The following HIBCH variants were observed in gnomAD, a reference collection of about 807,000 sequenced individuals.
HIBCH encodes the protein 3-hydroxyisobutyryl-CoA hydrolase.
HIBCH carries 50 observed loss-of-function variants against 58.2 expected under a neutral mutation model. The observed-to-expected ratio is 0.86, with a 90% CI of 0.68 to 1.09. The LOEUF is 1.09. Ranked by LOEUF, HIBCH falls within the 50% of genes least tolerant of loss-of-function variation. The pLI, the probability that HIBCH is intolerant of heterozygous loss-of-function variation, is 0.00. For missense variants in HIBCH, 450 were observed against 449.7 expected (o/e 1.00, Z -0.01); for synonymous variants, 151 against 146.9 (o/e 1.03, Z -0.20).
intron 6 of HIBCH, among the ~76,000 whole-genome samples, chr2:190,283,183 T>C (rs1323309060): frequency 6.6e-6 from 1 of 152,222 alleles, no homozygotes; most frequent in Non-Finnish European, 1.5e-5. Context: ...AGAGTCAATG[T>C]CAGTATGTTC....
intron 1 of HIBCH, among the ~76,000 whole-genome samples, chr2:190,196,137 C>T (rs1383342873): frequency 2.0e-5 from 3 of 151,974 alleles, no homozygotes; most frequent in African/African-American, 7.2e-5. Context: ...CTAATTGTCC[C>T]TCCCCAACCC....
Position 190,279,242 on chromosome 2 carries a change from C to G in HIBCH, c.438+8344G>C, listed in dbSNP as rs1350990413. Among the ~76,000 whole-genome samples the G allele has an allele frequency of 6.6e-6, 1 of 152,080 alleles. No homozygotes were observed. The highest frequency in any genetic ancestry group is 1.5e-5 in the Non-Finnish European group (1 of 68,030). ...ATCAAACTACTCTACCCTCATGACCCCATCACCTCTTGAAGGCCTCACTTC... is the reference window on the plus strand; with the variant it reads ...ATCAAACTACTCTACCCTCATGACCGCATCACCTCTTGAAGGCCTCACTTC... On this transcript the variant is annotated intron_variant, in intron 6 of 13. Coordinates refer to ENST00000359678, the MANE Select transcript of HIBCH (RefSeq NM_014362.4). The surrounding 1 kb of genome is among the most constrained non-coding windows in gnomAD (Gnocchi z 4.2).
chr2:190,258,337 T>A (rs1686986414), intron 7 of HIBCH, among the ~76,000 whole-genome samples: 1 of 152,184 alleles, frequency 6.6e-6, no homozygotes, highest in South Asian at 2.1e-4. Context: ...TTACCCAGTC[T>A]CAGGTAGTTC....
intron 11 of HIBCH, among the ~76,000 whole-genome samples, chr2:190,232,032 A>C (rs1686113716): frequency 6.6e-6 from 1 of 152,064 alleles, no homozygotes; most frequent in Non-Finnish European, 1.5e-5. Context: ...CCAGTCTACT[A>C]AAAACTACAA....
At chr2:190,229,779 A>T (rs572214178) in intron 11 of HIBCH, among the ~76,000 whole-genome samples, 4 of 152,324 alleles carry the variant, frequency 2.6e-5, no homozygotes, top group Non-Finnish European at 4.4e-5. Flanking sequence ...TACAAGGGCA[A>T]ATAGTGCACA....
At chr2:190,192,136 A>G (rs1689739342) in intron 1 of HIBCH, among the ~76,000 whole-genome samples, 1 of 152,096 alleles carries the variant, frequency 6.6e-6, no homozygotes, top group Non-Finnish European at 1.5e-5. Context: ...TATAAAGTAT[A>G]AGGTATAAGT....
intron 6 of HIBCH, chr2:190,280,781 C>A (rs531058291): frequency 6.6e-6 from 1 of 152,322 alleles, no homozygotes; most frequent in African/African-American, 2.4e-5. Flanking sequence ...CCCGGAACCA[C>A]GCCAGTGTAT....
chr2:190,264,365 T>C (rs1040520032), intron 6 of HIBCH, among the ~76,000 whole-genome samples: 1 of 151,952 alleles, frequency 6.6e-6, no homozygotes, highest in African/African-American at 2.4e-5. Context: ...CGCAAGCATA[T>C]AGTTTCAATG....
chr2:190,214,498 A>G lies in HIBCH; in HGVS notation c.892-1423T>C, dbSNP rs1469595236. 6.6e-6 allele frequency: 1 copy of G among 152,208 alleles called. No homozygotes were observed. The highest frequency in any genetic ancestry group is 6.5e-5 in the Admixed American group (1 of 15,284). The allele number at this position is 152,208 out of a possible 1,614,324, so 9.4% of individuals were successfully genotyped here. On this transcript the variant is annotated intron_variant, in intron 11 of 13. Coordinates refer to ENST00000359678, the MANE Select transcript of HIBCH (RefSeq NM_014362.4). This position sits in a 1 kb window ranked among gnomAD's most constrained non-coding sequence, Gnocchi z 5.5. Reference sequence around the variant, plus strand: ...AATCCCCAAACCAGGAACAAGGAAAAGCAAAAGATGATAGAGTATTGCTGT... The same window carrying G: ...AATCCCCAAACCAGGAACAAGGAAAGGCAAAAGATGATAGAGTATTGCTGT...
chr2:190,266,824 T>A (rs1687254074), intron 6 of HIBCH, among the ~76,000 whole-genome samples: 1 of 152,110 alleles, frequency 6.6e-6, no homozygotes, highest in Non-Finnish European at 1.5e-5. Flanking sequence ...TGGCACAATA[T>A]CAGCTCACTG....
At position 190,209,503 on chromosome 2, in the gene HIBCH, G is replaced by A. The variant is rs548339132; in HGVS notation, c.1012-590C>T. On this transcript the variant is annotated intron_variant, in intron 12 of 13. Transcript: ENST00000359678. This position sits in a 1 kb window ranked among gnomAD's most constrained non-coding sequence, Gnocchi z 5.6. ...TTTTCTGCCTTCTCAACCTCTACCC[G>A]TAGAGCACACTCTTATTATAGTCTC... is the stretch of plus-strand genomic sequence containing the variant. Among the ~76,000 whole-genome samples, 188 of 152,198 alleles carry A rather than the reference G, an allele frequency of 1.2e-3. 2 individuals are homozygous for A. The highest frequency in any genetic ancestry group is 6.8e-3 in the Middle Eastern group (2 of 292).
In HIBCH at chr2:190,217,151, G is replaced by C. The variant is rs531718204; in HGVS notation, c.892-4076C>G. The stretch of plus-strand genomic sequence containing the variant: ...CCAAAGGCACCCTGGGAAGCCAGCT[G>C]GTCAGTCCCTTGCCTCCCCAAGTTC... On this transcript the variant is annotated intron_variant, in intron 11 of 13. Coordinates refer to ENST00000359678, the MANE Select transcript of HIBCH (RefSeq NM_014362.4). The surrounding 1 kb of genome is among the most constrained non-coding windows in gnomAD (Gnocchi z 4.6). Among the ~76,000 whole-genome samples, 1 of 152,176 alleles carries C rather than the reference G, an allele frequency of 6.6e-6. No homozygotes were observed. The highest frequency in any genetic ancestry group is 2.4e-5 in the African/African-American group (1 of 41,426).
At chr2:190,300,046 G>A (rs1195481484) in intron 2 of HIBCH, among the ~76,000 whole-genome samples, 2 of 151,982 alleles carry the variant, frequency 1.3e-5, no homozygotes, top group African/African-American at 4.8e-5. Flanking sequence ...TATGTATCAC[G>A]TTTTCTTTAT....
intron 11 of HIBCH, among the ~76,000 whole-genome samples, chr2:190,224,080 T>A (rs973788448): frequency 6.6e-6 from 1 of 152,198 alleles, no homozygotes; most frequent in Non-Finnish European, 1.5e-5. Flanking sequence ...TCCAACGGTC[T>A]TAGCAAACGG....
chr2:190,283,612 A>G (rs534087267), intron 6 of HIBCH, among the ~76,000 whole-genome samples: 2 of 152,126 alleles, frequency 1.3e-5, no homozygotes, highest in African/African-American at 4.8e-5. Context: ...AAAATCCAAA[A>G]CACTCCTCGT....
chr2:190,249,284 TAA>T (rs1686697238), intron 9 of HIBCH, among the ~76,000 whole-genome samples: 1 of 152,202 alleles, frequency 6.6e-6, no homozygotes, highest in Non-Finnish European at 1.5e-5. Flanking sequence ...CATGCTGCAA[TAA>T]ACTTTATTAA....
rs1686855025 is a variant in HIBCH, at chr2:190,254,057, T to C, written c.518-1750A>G. Reference sequence around the variant, plus strand: ...AGCTCCATATTAGGCTACCTCCTCTTTCCTATATATACATTTTCCTTAACT... The same window carrying C: ...AGCTCCATATTAGGCTACCTCCTCTCTCCTATATATACATTTTCCTTAACT... On this transcript the variant is annotated intron_variant, in intron 7 of 13. Coordinates refer to ENST00000359678, the MANE Select transcript of HIBCH (RefSeq NM_014362.4). This position sits in a 1 kb window ranked among gnomAD's most constrained non-coding sequence, Gnocchi z 5.0. Among the ~76,000 whole-genome samples the C allele has an allele frequency of 6.6e-6, 1 of 152,098 alleles. No individual in the cohort carries two copies. Among genetic ancestry groups the C allele is most frequent in the Admixed American group, 6.5e-5 (1 of 15,268 alleles).
chr2:190,198,105 GTA>G (rs1690063285), intron 1 of HIBCH, among the ~76,000 whole-genome samples: 1 of 152,152 alleles, frequency 6.6e-6, no homozygotes, highest in Admixed American at 6.5e-5. Context: ...CATCTCTGAA[GTA>G]TGCAGCGTGA....
chr2:190,297,033 T>C (rs1688124430), intron 2 of HIBCH, 80 bp from the exon 3 acceptor site: 2 of 1,270,144 alleles, frequency 1.6e-6, no homozygotes, highest in African/African-American at 1.5e-5. Flanking sequence ...ACATATCAAA[T>C]GCAAATCTTG....
Sources: allele counts gnomAD v4.1 joint callset (sites outside exome capture counted in the v4.1 genomes callset), GRCh38; gene constraint gnomAD v4.1.1; non-coding constraint Gnocchi (gnomAD v3.1); transcripts MANE v1.5; gene names NCBI Gene and HGNC (gene_info 2026-07-23, HGNC 2026-07-21).